The following CELSR1 variants were observed in gnomAD, a reference collection of about 807,000 sequenced individuals.
CELSR1 encodes adhesion G protein-coupled receptor C1.
Under a neutral mutation model 249.1 loss-of-function variants are expected in CELSR1, and 110 were observed. The observed-to-expected ratio is 0.44, with a 90% CI of 0.38 to 0.52. CELSR1 has a LOEUF of 0.52. Ranked by LOEUF, CELSR1 falls within the 20% of genes least tolerant of loss-of-function variation. The pLI, the probability that CELSR1 is intolerant of heterozygous loss-of-function variation, is 0.00. For synonymous variants in CELSR1, 2,113 were observed against 1,900.0 expected, an observed-to-expected ratio of 1.11 and a Z score of -2.92; for missense variants, 4,109 against 4,296.4, an observed-to-expected ratio of 0.96 and a Z score of 1.22.
At chr22:46,370,134 T>G (rs1347156495) in intron 25 of CELSR1, 2 of 477,114 alleles carry the variant, frequency 4.2e-6, no homozygotes, top group South Asian at 3.1e-5. Flanking sequence ...AGGCAGACGG[T>G]GCTTGGGAGG....
At chr22:46,405,104 C>T (rs561586629) in intron 9 of CELSR1, among the ~76,000 whole-genome samples, 1 of 150,734 alleles carries the variant, frequency 6.6e-6, no homozygotes, top group Non-Finnish European at 1.5e-5. Context: ...GGATTACAGG[C>T]GTGAGCCACT....
chr22:46,511,117 A>AGC (rs113176721), intron 1 of CELSR1, among the ~76,000 whole-genome samples: 1 of 149,754 alleles, frequency 6.7e-6, no homozygotes, highest in Admixed American at 6.7e-5. Flanking sequence ...TCGTCTCAAA[A>AGC]ACACACACAC....
Position 46,445,264 on chromosome 22 carries a change from C to A in CELSR1, c.4184-5853G>T, listed in dbSNP as rs1447111530. ...ATCCCAGCACTTTGGGAGGCCGAGGCAGGTGGATCACCTGAGGTCAGGAGT... is the reference window on the plus strand; with the variant it reads ...ATCCCAGCACTTTGGGAGGCCGAGGAAGGTGGATCACCTGAGGTCAGGAGT... On this transcript the variant is annotated intron_variant, in intron 2 of 34. Coordinates refer to ENST00000674500, the MANE Select transcript of CELSR1 (RefSeq NM_001378328.1). The surrounding 1 kb of genome is among the most constrained non-coding windows in gnomAD (Gnocchi z 4.4). Among the ~76,000 whole-genome samples, 1 of 152,028 alleles carries A rather than the reference C, an allele frequency of 6.6e-6. No homozygotes were observed. Among genetic ancestry groups the A allele is most frequent in the African/African-American group, 2.4e-5 (1 of 41,388 alleles).
chr22:46,535,827 C>T lies in CELSR1; in HGVS notation c.1344G>A (p.Glu448=), dbSNP rs1180553170. Residue 448 remains glutamate (E), a synonymous_variant, in exon 1 of 35, where the codon GAG becomes GAA. Coordinates refer to ENST00000674500, the MANE Select transcript of CELSR1 (RefSeq NM_001378328.1). The part of the protein sequence containing the change: ...PLSATATVYI[E]VEDENDNYPQ... ...GGTAGTTGTCGTTCTCGTCCTCCAC[C>T]TCGATGTACACGGTGGCCGTGGCAC... 1.2e-6 allele frequency: 2 copies of T among 1,612,148 alleles called. No homozygotes were observed.
chr22:46,363,641 CG>C lies in CELSR1; in HGVS notation c.9035+354del. On this transcript the variant is annotated intron_variant, in intron 34 of 34. Transcript: ENST00000674500. The surrounding 1 kb of genome is among the most constrained non-coding windows in gnomAD (Gnocchi z 4.3). ...CCCGCCCCCTTCACCCCTGGCATTCCGGGACCCTCAGTATCCTCAACTGCAA... is the reference window on the plus strand; with the variant it reads ...CCCGCCCCCTTCACCCCTGGCATTCCGGACCCTCAGTATCCTCAACTGCAA... 1 of 367,794 alleles carries C rather than the reference CG, an allele frequency of 2.7e-6. No homozygotes were observed. The highest frequency in any genetic ancestry group is 5.1e-5 in the East Asian group (1 of 19,506). 22.8% of individuals were successfully genotyped at this position (367,794 alleles called of 1,614,324 possible).
Position 46,533,628 on chromosome 22 carries a change from A to T in CELSR1, c.3543T>A (p.Ser1181=). ...CCTCCCACCCCGACGGCCACTCACC[A>T]GACACAGACACCTCCATGAGCGCCT... is the stretch of plus-strand genomic sequence containing the variant. ...PLEALMEVSV[S]DGIHSVTAFC... The change falls in exon 1 of 35, where the codon TCT becomes TCA. Residue 1181 remains serine (S), a splice_region_variant and synonymous_variant. Transcript: ENST00000674500. 1.9e-6 allele frequency: 3 copies of T among 1,558,548 alleles called. No homozygotes were observed. Among genetic ancestry groups the T allele is most frequent in the Non-Finnish European group, 2.6e-6 (3 of 1,156,304 alleles).
At chr22:46,460,827 T>C (rs2080017772) in intron 2 of CELSR1, among the ~76,000 whole-genome samples, 1 of 152,174 alleles carries the variant, frequency 6.6e-6, no homozygotes, top group South Asian at 2.1e-4. Flanking sequence ...CCACAGACCC[T>C]GGGGCCTTGG....
intron 2 of CELSR1, among the ~76,000 whole-genome samples, chr22:46,461,140 G>A (rs1327327500): frequency 1.3e-5 from 2 of 152,194 alleles, no homozygotes; most frequent in Admixed American, 1.3e-4. Flanking sequence ...AGAAAAAGGA[G>A]CGCTTCAAAG....
chr22:46,482,826 AG>A (rs2080279313), intron 1 of CELSR1, among the ~76,000 whole-genome samples: 1 of 152,212 alleles, frequency 6.6e-6, no homozygotes, highest in Admixed American at 6.5e-5. Context: ...CCTGGAGAAC[AG>A]GGGAGGGGAA....
At position 46,370,230 on chromosome 22, in the gene CELSR1, G is replaced by A. The variant is rs117306972; in HGVS notation, c.7760-426C>T. ...TGAGGCTCCAAAACAGATGGAGGAC[G>A]GCGTCACCTACAGGGCCATATGTGA... is the stretch of plus-strand genomic sequence containing the variant. On this transcript the variant is annotated intron_variant, in intron 25 of 34. Transcript: ENST00000674500. 7.2e-4 allele frequency: 319 copies of A among 441,258 alleles called. 3 individuals are homozygous for A. The East Asian group carries it at 0.02, about 27-fold the overall frequency. The allele number at this position is 441,258 out of a possible 1,614,324, so 27.3% of individuals were successfully genotyped here. A position where few individuals can be genotyped will look rare whatever the true frequency, so the allele number is the denominator to read the frequency against.
Position 46,433,381 on chromosome 22 carries a change from G to A in CELSR1, c.4611+12C>T. On this transcript the variant is annotated intron_variant, in intron 5 of 34. Transcript: ENST00000674500. This position sits in a 1 kb window ranked among gnomAD's most constrained non-coding sequence, Gnocchi z 5.7. Reference sequence around the variant, plus strand: ...CCCTGGGGCCAGGGGGAAGTGGTGGGGCCCATCTTACCTTGTTGTAGTACT... The same window carrying A: ...CCCTGGGGCCAGGGGGAAGTGGTGGAGCCCATCTTACCTTGTTGTAGTACT... 1.2e-6 allele frequency: 2 copies of A among 1,609,588 alleles called. No homozygotes were observed. The highest frequency in any genetic ancestry group is 1.7e-6 in the Non-Finnish European group (2 of 1,176,614).
At chr22:46,461,398 C>T (rs1278647457) in intron 2 of CELSR1, among the ~76,000 whole-genome samples, 1 of 152,200 alleles carries the variant, frequency 6.6e-6, no homozygotes, top group African/African-American at 2.4e-5. Context: ...GTGGGTTCCC[C>T]CCAATGGGTC....
Position 46,537,004 on chromosome 22 carries a change from C to A in CELSR1, c.167G>T (p.Cys56Phe). The A allele has an allele frequency of 9.0e-7, 1 of 1,110,756 alleles. No individual in the cohort carries two copies. The highest frequency in any genetic ancestry group is 1.1e-6 in the Non-Finnish European group (1 of 912,106). The allele number at this position is 1,110,756 out of a possible 1,614,324, so 68.8% of individuals were successfully genotyped here. A position where few individuals can be genotyped will look rare whatever the true frequency, so the allele number is the denominator to read the frequency against. ...PGCTYAVGAACTPRAPRELLD... is the reference protein window; with the variant it reads ...PGCTYAVGAAFTPRAPRELLD... ...CAGCTCCCGCGGCGCCCGGGGCGTG[C>A]AAGCGGCGCCCACCGCGTAGGTACA... is the stretch of plus-strand genomic sequence containing the variant. The change falls in exon 1 of 35, where the codon TGC (cysteine) becomes TTC (phenylalanine). Residue 56 changes from cysteine to phenylalanine, a missense_variant. Transcript: ENST00000674500. The surrounding 1 kb of genome is among the most constrained non-coding windows in gnomAD (Gnocchi z 5.8).
In CELSR1 at chr22:46,500,398, G is replaced by A. The variant is rs376139491; in HGVS notation, c.3544+33229C>T. ...CAGAGATCACATTTACAGCGGTGGC[G>A]GTAACCATGGAAACTGGCAGTCGGT... On this transcript the variant is annotated intron_variant, in intron 1 of 34. Coordinates refer to ENST00000674500, the MANE Select transcript of CELSR1 (RefSeq NM_001378328.1). This position sits in a 1 kb window ranked among gnomAD's most constrained non-coding sequence, Gnocchi z 4.9. 2.6e-5 allele frequency among the ~76,000 whole-genome samples: 4 copies of A among 152,276 alleles called. No individual in the cohort carries two copies. The highest frequency in any genetic ancestry group is 4.1e-4 in the South Asian group (2 of 4,826).
intron 1 of CELSR1, among the ~76,000 whole-genome samples, chr22:46,486,806 G>A (rs1034387881): frequency 6.6e-5 from 10 of 152,148 alleles, no homozygotes; most frequent in Admixed American, 6.5e-4. Context: ...TCGTGCCACT[G>A]CACTCCAGCC....
rs1305625601 is a variant in CELSR1 at position 46,500,087 on chromosome 22, C to G, written c.3544+33540G>C. Reference sequence around the variant, plus strand: ...GAGTCCGGACTCTCTGCTCTGATCCCACCCCAGCCCCTGATCCTCCCAGCA... The same window carrying G: ...GAGTCCGGACTCTCTGCTCTGATCCGACCCCAGCCCCTGATCCTCCCAGCA... On this transcript the variant is annotated intron_variant, in intron 1 of 34. Coordinates refer to ENST00000674500, the MANE Select transcript of CELSR1 (RefSeq NM_001378328.1). The surrounding 1 kb of genome is among the most constrained non-coding windows in gnomAD (Gnocchi z 4.9). 6.6e-6 allele frequency among the ~76,000 whole-genome samples: 1 copy of G among 151,828 alleles called. No individual in the cohort carries two copies.
intron 20 of CELSR1, among the ~76,000 whole-genome samples, chr22:46,383,531 G>C (rs1386023344): frequency 6.6e-6 from 1 of 152,174 alleles, no homozygotes. Context: ...TTTAGAAGCA[G>C]CTTTCCCCCC....
At position 46,433,389 on chromosome 22, in the gene CELSR1, T is replaced by C. The variant is rs779989768; in HGVS notation, c.4611+4A>G. ...CCAGGGGGAAGTGGTGGGGCCCATC[T>C]TACCTTGTTGTAGTACTGCACCTGC... On this transcript the variant is annotated splice_donor_region_variant and intron_variant, in intron 5 of 34. Transcript: ENST00000674500. This position sits in a 1 kb window ranked among gnomAD's most constrained non-coding sequence, Gnocchi z 5.7. The C allele has an allele frequency of 3.1e-6, 5 of 1,612,600 alleles. No individual in the cohort carries two copies. The highest frequency in any genetic ancestry group is 4.2e-6 in the Non-Finnish European group (5 of 1,179,012).
chr22:46,410,598 G>C lies in CELSR1; in HGVS notation c.4770-37C>G, dbSNP rs200687759. ...AAGCCATCTTCTGTGACGTCAGGGC[G>C]GGGAGAGGCGGCCACGGCGGGCTGG... On this transcript the variant is annotated intron_variant, in intron 6 of 34. Coordinates refer to ENST00000674500, the MANE Select transcript of CELSR1 (RefSeq NM_001378328.1). The surrounding 1 kb of genome is among the most constrained non-coding windows in gnomAD (Gnocchi z 6.8). 1.3e-5 allele frequency: 21 copies of C among 1,600,996 alleles called. No individual in the cohort carries two copies. Among genetic ancestry groups the C allele is most frequent in the Non-Finnish European group, 1.6e-5 (19 of 1,170,200 alleles).
Sources: allele counts gnomAD v4.1 joint callset (sites outside exome capture counted in the v4.1 genomes callset), GRCh38; gene constraint gnomAD v4.1.1; non-coding constraint Gnocchi (gnomAD v3.1); transcripts MANE v1.5; gene names NCBI Gene and HGNC (gene_info 2026-07-23, HGNC 2026-07-21).